Variants in HS6ST3 observed in about 807,000 individuals in gnomAD.
The protein encoded by HS6ST3 is heparan-sulfate 6-O-sulfotransferase 3.
Under a neutral mutation model 36.7 loss-of-function variants are expected in HS6ST3, and 12 were observed. The ratio of observed to expected loss-of-function variants is 0.33; its 90% CI spans 0.21 to 0.53. The LOEUF is 0.53. HS6ST3 is among the 20% of genes least tolerant of loss of function. HS6ST3 has a pLI of 0.95. For synonymous variants in HS6ST3, 240 were observed against 257.5 expected (o/e 0.93, Z 0.65); for missense variants, 584 against 640.9 (o/e 0.91, Z 0.96).
chr13:96,531,004 A>T (rs557905847), intron 1 of HS6ST3, among the ~76,000 whole-genome samples: 2 of 152,238 alleles, frequency 1.3e-5, no homozygotes, highest in Admixed American at 1.3e-4. Flanking sequence ...AATGATTTAG[A>T]TCATTCTTTT....
chr13:96,389,381 T>C (rs1288126704), intron 1 of HS6ST3, among the ~76,000 whole-genome samples: 5 of 152,054 alleles, frequency 3.3e-5, no homozygotes, highest in African/African-American at 1.2e-4. Context: ...ATATGCACAA[T>C]AAAATTTATT....
At chr13:96,150,223 G>A (rs1351736921) in intron 1 of HS6ST3, among the ~76,000 whole-genome samples, 1 of 152,206 alleles carries the variant, frequency 6.6e-6, no homozygotes, top group Admixed American at 6.5e-5. Flanking sequence ...TTGAGGCTGA[G>A]TCTGGACTTT....
chr13:96,623,388 C>T (rs1184710197), intron 1 of HS6ST3, among the ~76,000 whole-genome samples: 1 of 151,942 alleles, frequency 6.6e-6, no homozygotes, highest in African/African-American at 2.4e-5. Flanking sequence ...AGGCTTTAAA[C>T]TTTGCTTACG....
At chr13:96,155,816 A>G (rs2054107703) in intron 1 of HS6ST3, among the ~76,000 whole-genome samples, 1 of 152,228 alleles carries the variant, frequency 6.6e-6, no homozygotes, top group South Asian at 2.1e-4. Flanking sequence ...GTGAATAGGA[A>G]GGAATCATAA....
At chr13:96,711,448 A>C (rs564320198) in intron 1 of HS6ST3, among the ~76,000 whole-genome samples, 1 of 152,354 alleles carries the variant, frequency 6.6e-6, no homozygotes, top group African/African-American at 2.4e-5. Flanking sequence ...TTTAACATCT[A>C]GATGCATTTT....
intron 1 of HS6ST3, among the ~76,000 whole-genome samples, chr13:96,769,772 G>A (rs1877215833): frequency 7.0e-6 from 1 of 143,854 alleles, no homozygotes; most frequent in South Asian, 2.3e-4. Flanking sequence ...GTGTGTGTGT[G>A]TGCGCACATA....
At chr13:96,444,961 T>C (rs2055691103) in intron 1 of HS6ST3, among the ~76,000 whole-genome samples, 1 of 152,198 alleles carries the variant, frequency 6.6e-6, no homozygotes, top group African/African-American at 2.4e-5. Context: ...GAGCATACTA[T>C]GCTCTTTCTA....
intron 1 of HS6ST3, among the ~76,000 whole-genome samples, chr13:96,584,741 G>A (rs1306076819): frequency 6.6e-6 from 1 of 152,148 alleles, no homozygotes; most frequent in Non-Finnish European, 1.5e-5. Flanking sequence ...AAAATTTCAG[G>A]CCCTACAGGC....
At chr13:96,252,380 C>T (rs1296618156) in intron 1 of HS6ST3, among the ~76,000 whole-genome samples, 1 of 152,172 alleles carries the variant, frequency 6.6e-6, no homozygotes, top group East Asian at 1.9e-4. Context: ...ATGAGCCCAC[C>T]TGGCAATTCT....
At chr13:96,568,212 A>G (rs995070900) in intron 1 of HS6ST3, among the ~76,000 whole-genome samples, 8 of 152,230 alleles carry the variant, frequency 5.3e-5, no homozygotes, top group African/African-American at 1.9e-4. Context: ...TGACATGGTT[A>G]GATATTCTGT....
At chr13:96,182,989 C>G (rs1475955153) in intron 1 of HS6ST3, among the ~76,000 whole-genome samples, 1 of 152,114 alleles carries the variant, frequency 6.6e-6, no homozygotes, top group Non-Finnish European at 1.5e-5. Context: ...GTAGCCTCCT[C>G]CTGGGTGAAT....
At chr13:96,137,905 G>C (rs2139315569) in intron 1 of HS6ST3, among the ~76,000 whole-genome samples, 1 of 152,262 alleles carries the variant, frequency 6.6e-6, no homozygotes. Flanking sequence ...ACATCATTGT[G>C]CCTATTTTTA....
At chr13:96,574,060 C>T in intron 1 of HS6ST3, 1 of 542,626 alleles carries the variant, frequency 1.8e-6, no homozygotes, top group African/African-American at 1.9e-5. Context: ...CAGGGAGGGA[C>T]AAGTGGCTTC....
chr13:96,131,592 A>C (rs529476923), intron 1 of HS6ST3, among the ~76,000 whole-genome samples: 1 of 152,278 alleles, frequency 6.6e-6, no homozygotes, highest in Admixed American at 6.5e-5. Flanking sequence ...AGCAATTTTC[A>C]AGTATATAAT....
intron 1 of HS6ST3, among the ~76,000 whole-genome samples, chr13:96,815,522 T>A (rs1329552974): frequency 6.6e-6 from 1 of 152,188 alleles, no homozygotes; most frequent in African/African-American, 2.4e-5. Context: ...GATTTTGTGT[T>A]GATTGGTAAA....
At chr13:96,771,621 A>G (rs953363063) in intron 1 of HS6ST3, among the ~76,000 whole-genome samples, 2 of 152,148 alleles carry the variant, frequency 1.3e-5, no homozygotes, top group African/African-American at 4.8e-5. Context: ...TAATAAACAA[A>G]TGTGCGTTAT....
At chr13:96,371,248 G>A (rs2055288678) in intron 1 of HS6ST3, among the ~76,000 whole-genome samples, 2 of 152,042 alleles carry the variant, frequency 1.3e-5, no homozygotes, top group Non-Finnish European at 2.9e-5. Context: ...ATATGAATTG[G>A]TATTTCATGG....
chr13:96,361,471 G>A (rs924588297), intron 1 of HS6ST3, among the ~76,000 whole-genome samples: 2 of 152,172 alleles, frequency 1.3e-5, no homozygotes, highest in Admixed American at 6.5e-5. Context: ...TCATGTCTCA[G>A]TTTGTATCCT....
chr13:96,650,118 C>T (rs2056602491), intron 1 of HS6ST3, among the ~76,000 whole-genome samples: 1 of 151,926 alleles, frequency 6.6e-6, no homozygotes, highest in African/African-American at 2.4e-5. Flanking sequence ...ATGCTGTTCC[C>T]ACTTCTCTCA....
Sources: gnomAD v4.1 joint callset for allele counts (sites outside exome capture counted in the v4.1 genomes callset) on GRCh38, gnomAD v4.1.1 for gene constraint, MANE v1.5 for transcripts, NCBI Gene and HGNC (gene_info 2026-07-23, HGNC 2026-07-21) for gene names.